Variants in TSPAN16 observed in about 807,000 individuals in gnomAD.
The protein encoded by TSPAN16 is tetraspanin-16.
A neutral mutation model predicts 25.2 loss-of-function variants in TSPAN16; 23 were observed. That is an observed-to-expected ratio of 0.91 (90% CI 0.66 to 1.29). The LOEUF (loss-of-function observed/expected upper bound fraction) is 1.29. TSPAN16 is among the 50% of genes most tolerant of loss of function. The pLI is 0.00. For synonymous variants in TSPAN16, 123 were observed against 124.4 expected, an observed-to-expected ratio of 0.99 and a Z score of 0.08; for missense variants, 272 against 299.9, an observed-to-expected ratio of 0.91 and a Z score of 0.69.
chr19:11,320,301 T>C (rs1204265293), downstream of TSPAN16, among the ~76,000 whole-genome samples: 2 of 151,920 alleles, frequency 1.3e-5, no homozygotes, highest in South Asian at 4.1e-4. Flanking sequence ...GTTATATTTT[T>C]AGTAGAGATG....
At chr19:11,304,394 G>T (rs1205174278) in intron 4 of TSPAN16, among the ~76,000 whole-genome samples, 2 of 151,600 alleles carry the variant, frequency 1.3e-5, no homozygotes, top group African/African-American at 2.4e-5. Flanking sequence ...TCAGGCTGGA[G>T]TTCAGTGGCG....
At chr19:11,306,482 G>C in intron 4 of TSPAN16, 122 bp from the exon 5 acceptor site, 1 of 1,199,964 alleles carries the variant, frequency 8.3e-7, no homozygotes, top group Non-Finnish European at 1.2e-6. Context: ...GTTTGTAAGA[G>C]GATGTTTAGC....
rs12983513 is a variant in TSPAN16 at position 11,312,141 on chromosome 19, C to A, written c.606C>A (p.Gly202=). Residue 202 remains glycine (G), a splice_region_variant and synonymous_variant, in exon 6 of 7, where the codon GGC becomes GGA. Coordinates refer to ENST00000590327, the MANE Select transcript of TSPAN16 (RefSeq NM_001282509.2). The part of the protein sequence containing the change: ...DVSPNVIHQK[G]CFHKLLKITK... ...TGTTTTGGTGTTTGTTTCCTCAGGG[C>A]TGTTTCCATAAACTCCTAAAAATCA... is the stretch of plus-strand genomic sequence containing the variant. 1,138 of 1,611,072 alleles carry A rather than the reference C, an allele frequency of 7.1e-4. 1 individual carries two copies. The highest frequency in any genetic ancestry group is 9.3e-4 in the Non-Finnish European group (1,102 of 1,179,334).
intron 6 of TSPAN16, chr19:11,323,125 C>T (rs868271452): frequency 6.8e-6 from 1 of 148,030 alleles, no homozygotes; most frequent in Non-Finnish European, 1.5e-5. Context: ...AAAAAAAAAA[C>T]AAAAAAACCT....
intron 1 of TSPAN16, among the ~76,000 whole-genome samples, chr19:11,297,862 G>A (rs961564473): frequency 1.3e-5 from 2 of 152,068 alleles, no homozygotes; most frequent in African/African-American, 4.8e-5. Context: ...CACAGTCATA[G>A]CTCACTGCAG....
intron 5 of TSPAN16, among the ~76,000 whole-genome samples, chr19:11,309,495 G>A (rs2080667160): frequency 6.6e-6 from 1 of 152,204 alleles, no homozygotes; most frequent in Non-Finnish European, 1.5e-5. Context: ...CCTTTGCACA[G>A]GCTTTCCCTC....
chr19:11,318,335 T>C (rs771161749), downstream of TSPAN16, among the ~76,000 whole-genome samples: 12 of 151,962 alleles, frequency 7.9e-5, no homozygotes, highest in African/African-American at 4.8e-5. Context: ...TAATTTTTTG[T>C]ATTTTTAGTA....
downstream of TSPAN16, among the ~76,000 whole-genome samples, chr19:11,318,796 G>A (rs1321161661): frequency 6.6e-6 from 1 of 151,892 alleles, no homozygotes; most frequent in African/African-American, 2.4e-5. Context: ...ACAGGTGCCC[G>A]CCACCACACA....
chr19:11,300,762 C>CA (rs1206715290), intron 3 of TSPAN16: 1 of 159,938 alleles, frequency 6.3e-6, no homozygotes, highest in Admixed American at 6.0e-5. Context: ...AATTTCGAAC[C>CA]ACGTGCCTCT....
chr19:11,296,429 G>A lies in TSPAN16; in HGVS notation c.69+63G>A, dbSNP rs560125123. 62 of 1,536,032 alleles carry A rather than the reference G, an allele frequency of 4.0e-5. No individual in the cohort carries two copies. In the Middle Eastern group the frequency reaches 5.1e-4, roughly 13 times the overall value. On this transcript the variant is annotated intron_variant, in intron 1 of 6. Coordinates refer to ENST00000590327, the MANE Select transcript of TSPAN16 (RefSeq NM_001282509.2). ...GCCCTTCCTCCACAGTCAGCTCCCT[G>A]AAAGACAGAAATAAGTTGATCCAAA...
At chr19:11,296,598 T>A (rs1291393646) in intron 1 of TSPAN16, among the ~76,000 whole-genome samples, 1 of 152,008 alleles carries the variant, frequency 6.6e-6, no homozygotes, top group African/African-American at 2.4e-5. Flanking sequence ...GGAGCCCAGG[T>A]GGGTGATGGA....
chr19:11,310,471 C>T (rs975452070), intron 5 of TSPAN16, among the ~76,000 whole-genome samples: 3 of 149,704 alleles, frequency 2.0e-5, no homozygotes, highest in Admixed American at 6.7e-5. Flanking sequence ...GCCAAGTTAG[C>T]GCCACTACAC....
chr19:11,315,493 C>T (rs1342582243), intron 6 of TSPAN16, among the ~76,000 whole-genome samples: 1 of 150,648 alleles, frequency 6.6e-6, no homozygotes, highest in African/African-American at 2.4e-5. Flanking sequence ...GGAGGCGGAG[C>T]TTGTAGTGAG....
At chr19:11,303,490 C>T (rs2080589745) in intron 4 of TSPAN16, among the ~76,000 whole-genome samples, 2 of 139,494 alleles carry the variant, frequency 1.4e-5, no homozygotes, top group South Asian at 4.6e-4. Context: ...CTGACCTTCC[C>T]TCCACTATTG....
chr19:11,316,119 T>TGTGTGTGTGTGTGTG (rs1491440242), downstream of TSPAN16: 1 of 127,556 alleles, frequency 7.8e-6, no homozygotes, highest in Non-Finnish European at 1.4e-5. Flanking sequence ...GTGTGTGTGG[T>TGTGTGTGTGTGTGTG]TTTTTTTTTT....
chr19:11,307,076 G>C (rs1022096128), intron 5 of TSPAN16, among the ~76,000 whole-genome samples: 7 of 151,638 alleles, frequency 4.6e-5, no homozygotes, highest in African/African-American at 1.7e-4. Context: ...CCAAAGTGCT[G>C]GGATTACAGG....
At chr19:11,309,168 C>T (rs118081085) in intron 5 of TSPAN16, among the ~76,000 whole-genome samples, 5,206 of 151,650 alleles carry the variant, frequency 0.034, 153 homozygotes, top group Non-Finnish European at 0.046. Flanking sequence ...GTGATTGTGC[C>T]GCTGCACTCC....
chr19:11,318,268 GC>G (rs916086029), downstream of TSPAN16, among the ~76,000 whole-genome samples: 1 of 151,884 alleles, frequency 6.6e-6, no homozygotes, highest in Non-Finnish European at 1.5e-5. Flanking sequence ...CTCGTGATCC[GC>G]CCCCCTAGGC....
At chr19:11,306,976 C>T (rs750899612) in intron 5 of TSPAN16, among the ~76,000 whole-genome samples, 1 of 151,796 alleles carries the variant, frequency 6.6e-6, no homozygotes, top group Non-Finnish European at 1.5e-5. Context: ...CCGCCACACC[C>T]GGCTAATTTT....
Sources: allele counts gnomAD v4.1 joint callset (sites outside exome capture counted in the v4.1 genomes callset), GRCh38; gene constraint gnomAD v4.1.1; transcripts MANE v1.5; gene names NCBI Gene and HGNC (gene_info 2026-07-23, HGNC 2026-07-21).